The following ATP2A2 variants were observed in gnomAD, a reference collection of about 807,000 sequenced individuals.
ATP2A2 encodes the protein sarcoplasmic/endoplasmic reticulum calcium ATPase 2.
A neutral mutation model predicts 109.3 loss-of-function variants in ATP2A2; 14 were observed. The ratio of observed to expected loss-of-function variants is 0.13; its 90% confidence interval spans 0.08 to 0.20. The LOEUF is 0.20. ATP2A2 is among the 10% of genes least tolerant of loss of function. ATP2A2 has a pLI of 1.00. For missense variants in ATP2A2, 657 were observed against 1,321.6 expected (o/e 0.50, Z 7.80); for synonymous variants, 506 against 490.9 (o/e 1.03, Z -0.41).
In ATP2A2 at chr12:110,296,403, C is replaced by G. The variant is rs1041561948; in HGVS notation, c.325-196C>G. ...TATCCCCTTAGCTTAATTGAGGGTA[C>G]TTAACGTTTCGTTTTTAATACAAAT... is the stretch of plus-strand genomic sequence containing the variant. On this transcript the variant is annotated intron_variant, in intron 4 of 19. Transcript: ENST00000539276. 1.8e-5 allele frequency: 12 copies of G among 678,752 alleles called. 1 individual carries two copies. In the South Asian group the frequency reaches 2.1e-4, roughly 12 times the overall value. The allele number at this position is 678,752 out of a possible 1,614,324, so 42.0% of individuals were successfully genotyped here.
Position 110,346,043 on chromosome 12 carries a change from G to A in ATP2A2, c.2784G>A (p.Glu928=). ...CCTTGCTGAGGATGCCCCCCTGGGA[G>A]AACATCTGGCTCGTGGGCTCCATCT... The part of the protein sequence containing the change: ...NQSLLRMPPW[E]NIWLVGSICL... Residue 928 remains glutamate, a synonymous_variant, in exon 19 of 20, where the codon GAG becomes GAA. Coordinates refer to ENST00000539276, the MANE Select transcript of ATP2A2 (RefSeq NM_170665.4). 1 of 1,614,202 alleles carries A rather than the reference G, an allele frequency of 6.2e-7. No homozygotes were observed. The highest frequency in any genetic ancestry group is 2.2e-5 in the East Asian group (1 of 44,886).
intron 3 of ATP2A2, among the ~76,000 whole-genome samples, chr12:110,283,603 G>A (rs1433410136): frequency 6.6e-6 from 1 of 152,114 alleles, no homozygotes. Context: ...TTCTTGGGCA[G>A]TAGATTGCTT....
Position 110,333,182 on chromosome 12 carries a change from C to T in ATP2A2, c.1186C>T (p.His396Tyr). ...TAAGAGTGTTTTCTCTTTGGGCAGG[C>T]ATAAAGATGATAAACCAGTGAATTG... ...GSTYAPIGEV[H>Y]KDDKPVNCHQ... Residue 396 changes from histidine to tyrosine, a missense_variant and splice_region_variant, in exon 10 of 20, where the codon CAT (histidine) becomes TAT (tyrosine). This residue lies in a region of ATP2A2 where 46 missense variants were observed against 62.0 expected (regional missense o/e 0.74). Coordinates refer to ENST00000539276, the MANE Select transcript of ATP2A2 (RefSeq NM_170665.4). 1 of 1,612,868 alleles carries T rather than the reference C, an allele frequency of 6.2e-7. No individual in the cohort carries two copies. The highest frequency in any genetic ancestry group is 1.3e-5 in the African/African-American group (1 of 74,974).
intron 6 of ATP2A2, among the ~76,000 whole-genome samples, chr12:110,325,391 T>C (rs547964336): frequency 5.9e-5 from 9 of 151,932 alleles, no homozygotes; most frequent in African/African-American, 1.7e-4. Context: ...CCCAGCACTT[T>C]GGGAGGCCGA....
intron 5 of ATP2A2, among the ~76,000 whole-genome samples, chr12:110,316,615 A>C (rs1876693626): frequency 1.3e-5 from 2 of 152,212 alleles, no homozygotes; most frequent in East Asian, 3.8e-4. Context: ...CTAGGAAATC[A>C]GTGATGTCTG....
intron 16 of ATP2A2, among the ~76,000 whole-genome samples, chr12:110,343,964 A>G (rs1279204200): frequency 6.6e-6 from 1 of 152,146 alleles, no homozygotes; most frequent in Non-Finnish European, 1.5e-5. Context: ...GTGTTTTCAT[A>G]ATATATTCAC....
Position 110,343,247 on chromosome 12 carries a change from A to C in ATP2A2, c.2334A>C (p.Ala778=), listed in dbSNP as rs1171897413. Residue 778 remains alanine, a synonymous_variant, in exon 16 of 20, where the codon GCA becomes GCC. Transcript: ENST00000539276. ...TTGGAAACAGTATTTTCCTGACAGCAGCCCTTGGATTTCCCGAGGCTTTGA... is the reference window on the plus strand; with the variant it reads ...TTGGAAACAGTATTTTCCTGACAGCCGCCCTTGGATTTCCCGAGGCTTTGA... ...VGEVVCIFLT[A]ALGFPEALIP... is the part of the protein sequence containing the mutation. The C allele has an allele frequency of 6.2e-7, 1 of 1,614,002 alleles. No homozygotes were observed. Among genetic ancestry groups the C allele is most frequent in the Non-Finnish European group, 8.5e-7 (1 of 1,180,042 alleles).
rs768304511 is a variant in ATP2A2 at position 110,327,987 on chromosome 12, A to G, written c.1065A>G (p.Thr355=). Reference sequence around the variant, plus strand: ...TTATCTGCTCAGACAAGACTGGTACACTTACAACAAACCAGATGTCAGTCT... The same window carrying G: ...TTATCTGCTCAGACAAGACTGGTACGCTTACAACAAACCAGATGTCAGTCT... ...TSVICSDKTG[T]LTTNQMSVCR... is the part of the protein sequence containing the mutation. The change falls in exon 8 of 20, where the codon ACA becomes ACG. Residue 355 remains threonine, a synonymous_variant. Transcript: ENST00000539276. The surrounding 1 kb of genome is among the most constrained non-coding windows in gnomAD (Gnocchi z 4.4). 7 of 1,613,906 alleles carry G rather than the reference A, an allele frequency of 4.3e-6. No individual in the cohort carries two copies. The highest frequency in any genetic ancestry group is 5.9e-6 in the Non-Finnish European group (7 of 1,180,010).
At chr12:110,291,290 G>A (rs533895711) in intron 3 of ATP2A2, among the ~76,000 whole-genome samples, 3 of 151,500 alleles carry the variant, frequency 2.0e-5, no homozygotes, top group South Asian at 2.1e-4. Flanking sequence ...TGCCACCTCC[G>A]CCTCCTAGGT....
intron 5 of ATP2A2, among the ~76,000 whole-genome samples, chr12:110,311,914 C>T (rs1389100466): frequency 1.3e-5 from 2 of 152,028 alleles, no homozygotes; most frequent in Non-Finnish European, 2.9e-5. Flanking sequence ...GGCTGGGAGC[C>T]ATGGCTCATG....
At chr12:110,312,276 C>T (rs2137771161) in intron 5 of ATP2A2, among the ~76,000 whole-genome samples, 1 of 152,050 alleles carries the variant, frequency 6.6e-6, no homozygotes, top group East Asian at 1.9e-4. Flanking sequence ...GCAGGAATTA[C>T]CTGGGGATGT....
rs201077970 is a variant in ATP2A2 at position 110,340,914 on chromosome 12, C to G, written c.2017C>G (p.Arg673Gly). Residue 673 changes from arginine (R) to glycine (G), a missense_variant, in exon 14 of 20, where the codon CGC (arginine) becomes GGC (glycine). Around this residue, in one of 9 missense-constraint regions of ATP2A2, gnomAD observed 180 missense variants for 329.1 expected, o/e 0.55. Coordinates refer to ENST00000539276, the MANE Select transcript of ATP2A2 (RefSeq NM_170665.4). The surrounding 1 kb of genome is among the most constrained non-coding windows in gnomAD (Gnocchi z 6.0). The part of the protein sequence containing the change: ...SAQRDACLNA[R>G]CFARVEPSHK... ...CCAGCGAGACGCCTGCCTGAACGCCCGCTGTTTTGCTCGAGTTGAACCCTC... is the reference window on the plus strand; with the variant it reads ...CCAGCGAGACGCCTGCCTGAACGCCGGCTGTTTTGCTCGAGTTGAACCCTC... The G allele has an allele frequency of 1.3e-5, 21 of 1,614,202 alleles. No individual in the cohort carries two copies. Among genetic ancestry groups the G allele is most frequent in the Non-Finnish European group, 1.7e-5 (20 of 1,180,044 alleles).
In ATP2A2 at chr12:110,350,386, C is replaced by T; in HGVS notation, c.*3916C>T. 1.2e-6 allele frequency: 2 copies of T among 1,603,840 alleles called. No homozygotes were observed. The highest frequency in any genetic ancestry group is 1.7e-6 in the Non-Finnish European group (2 of 1,171,330). ...GTTTTTAGCAACACATCTACCAACC[C>T]TGTGCATGACTGATGTTGGGGAAAA... On this transcript the variant is annotated 3_prime_UTR_variant, in exon 20 of 20. Transcript: ENST00000539276.
chr12:110,341,262 G>A (rs997293947), intron 14 of ATP2A2, among the ~76,000 whole-genome samples: 1 of 151,994 alleles, frequency 6.6e-6, no homozygotes, highest in African/African-American at 2.4e-5. Flanking sequence ...TAAATGAGAC[G>A]TGTTTTTATT....
At position 110,342,940 on chromosome 12, in the gene ATP2A2, T is replaced by C. The variant is rs759998710; in HGVS notation, c.2319-292T>C. Among the ~76,000 whole-genome samples the C allele has an allele frequency of 6.6e-6, 1 of 152,120 alleles. No homozygotes were observed. The highest frequency in any genetic ancestry group is 1.5e-5 in the Non-Finnish European group (1 of 68,024). The stretch of plus-strand genomic sequence containing the variant: ...TTTTAGTAGAAATGAGGTTTCACCA[T>C]GTTGCCCAGGCTGGTCTCTTAACTG... On this transcript the variant is annotated intron_variant, in intron 15 of 19. Coordinates refer to ENST00000539276, the MANE Select transcript of ATP2A2 (RefSeq NM_170665.4). This position sits in a 1 kb window ranked among gnomAD's most constrained non-coding sequence, Gnocchi z 4.6.
intron 5 of ATP2A2, 90 bp from the exon 6 acceptor site, chr12:110,322,902 T>G: frequency 1.0e-6 from 1 of 979,580 alleles, no homozygotes; most frequent in Non-Finnish European, 1.6e-6. Flanking sequence ...ATTTATTTTC[T>G]TTAAAAATTG....
intron 5 of ATP2A2, among the ~76,000 whole-genome samples, chr12:110,306,681 C>T (rs985448643): frequency 2.0e-5 from 3 of 152,178 alleles, no homozygotes; most frequent in African/African-American, 7.2e-5. Context: ...CTGGAAAAGA[C>T]ATGATTTCAT....
At chr12:110,309,140 A>AT (rs10665212) in intron 5 of ATP2A2, among the ~76,000 whole-genome samples, 4,853 of 48,822 alleles carry the variant, frequency 0.099, 1,200 homozygotes, top group East Asian at 0.12. Flanking sequence ...AAGGAAACTA[A>AT]TTTTTTTTTT....
rs558728432 is a variant in ATP2A2 at position 110,323,981 on chromosome 12, A to G, written c.544+909A>G. Among the ~76,000 whole-genome samples, 21 of 152,344 alleles carry G rather than the reference A, an allele frequency of 1.4e-4. No individual in the cohort carries two copies. In the South Asian group the frequency reaches 3.7e-3, roughly 27 times the overall value. Reference sequence around the variant, plus strand: ...AATCTTTACAGTATCCAAATACACAATGAACAAAAGTTAGCCCCCATAAGA... The same window carrying G: ...AATCTTTACAGTATCCAAATACACAGTGAACAAAAGTTAGCCCCCATAAGA... On this transcript the variant is annotated intron_variant, in intron 6 of 19. Transcript: ENST00000539276.
Sources: allele counts gnomAD v4.1 joint callset (sites outside exome capture counted in the v4.1 genomes callset), GRCh38; gene constraint gnomAD v4.1.1; regional missense constraint gnomAD v4.1.1; non-coding constraint Gnocchi (gnomAD v3.1); transcripts MANE v1.5; gene names NCBI Gene and HGNC (gene_info 2026-07-23, HGNC 2026-07-21).